FOCAD: variants seen among roughly 807,000 people sequenced by gnomAD.
FOCAD encodes KIAA1797.
Under a neutral mutation model 225.6 loss-of-function variants are expected in FOCAD, and 198 were observed. That is an observed-to-expected ratio of 0.88 (90% CI 0.78 to 0.99). The LOEUF (loss-of-function observed/expected upper bound fraction) is 0.99. FOCAD is among the 50% of genes least tolerant of loss of function. The pLI, the probability that FOCAD is intolerant of heterozygous loss-of-function variation, is 0.00. For synonymous variants in FOCAD, 897 were observed against 755.0 expected (o/e 1.19, Z -3.08); for missense variants, 2,713 against 2,123.6 (o/e 1.28, Z -5.46).
At chr9:20,681,067 C>T (rs1170891235), upstream of FOCAD, among the ~76,000 whole-genome samples, 1 of 152,162 alleles carries the variant, frequency 6.6e-6, no homozygotes, top group East Asian at 1.9e-4. Context: ...AGCAATTAGT[C>T]ATATGACATT....
intron 1 of FOCAD, among the ~76,000 whole-genome samples, chr9:20,704,228 A>C (rs181277768): frequency 1.3e-5 from 2 of 152,300 alleles, no homozygotes. Context: ...AAATACAGAG[A>C]TACTCTCCAT....
chr9:20,889,844 G>C (rs1295077913), intron 21 of FOCAD, among the ~76,000 whole-genome samples: 1 of 152,212 alleles, frequency 6.6e-6, no homozygotes, highest in East Asian at 1.9e-4. Context: ...TGACATCTTG[G>C]TAATAGAGTA....
intron 1 of FOCAD, among the ~76,000 whole-genome samples, chr9:20,698,813 C>G (rs1823597933): frequency 6.6e-6 from 1 of 151,946 alleles, no homozygotes; most frequent in Non-Finnish European, 1.5e-5. Context: ...CTGCATAGTC[C>G]TTAGTTTATC....
rs1009575386 is a variant in FOCAD at position 20,912,921 on chromosome 9, A to G, written c.2774A>G (p.Glu925Gly). 2 of 1,613,300 alleles carry G rather than the reference A, an allele frequency of 1.2e-6. No homozygotes were observed. Among genetic ancestry groups the G allele is most frequent in the Non-Finnish European group, 1.7e-6 (2 of 1,179,580 alleles). Residue 925 changes from glutamate to glycine, a missense_variant, in exon 23 of 44, where the codon GAG becomes GGG. Physicochemically the swap from Glu to Gly is moderately conservative, Grantham distance 98. Coordinates refer to ENST00000338382, the MANE Select transcript of FOCAD (RefSeq NM_001375567.1). ...QLKHGKEEPE[E>G]VQYKKSTAWL... The stretch of plus-strand genomic sequence containing the variant: ...AAACATGGAAAAGAAGAACCTGAGG[A>G]GGTGCAGTACAAAAAAAGCACAGCC...
At chr9:20,830,766 C>A (rs897091581) in intron 15 of FOCAD, among the ~76,000 whole-genome samples, 1 of 152,008 alleles carries the variant, frequency 6.6e-6, no homozygotes, top group African/African-American at 2.4e-5. Context: ...CAGCCTTTAT[C>A]TCTGGGTGCA....
chr9:20,824,864 C>T (rs1473828975), intron 15 of FOCAD, among the ~76,000 whole-genome samples: 1 of 151,994 alleles, frequency 6.6e-6, no homozygotes, highest in Non-Finnish European at 1.5e-5. Context: ...TCATTCTTGT[C>T]TAGAAAGTAA....
At chr9:20,894,833 A>T (rs1831937487) in intron 21 of FOCAD, among the ~76,000 whole-genome samples, 1 of 152,044 alleles carries the variant, frequency 6.6e-6, no homozygotes. Flanking sequence ...ATTTTAATGA[A>T]GTCCAGCATA....
intron 19 of FOCAD, among the ~76,000 whole-genome samples, chr9:20,877,303 A>C (rs1830309108): frequency 1.3e-5 from 2 of 152,210 alleles, no homozygotes; most frequent in African/African-American, 4.8e-5. Flanking sequence ...AAAATATCTA[A>C]AGTCTAAAAT....
intron 1 of FOCAD, among the ~76,000 whole-genome samples, chr9:20,688,127 A>G (rs1379510255): frequency 6.6e-6 from 1 of 152,242 alleles, no homozygotes; most frequent in Non-Finnish European, 1.5e-5. Flanking sequence ...CGTGTTAGCC[A>G]TTTTGAGCTT....
At chr9:20,881,825 C>A in intron 19 of FOCAD, 46 bp from the exon 20 acceptor site, 1 of 1,572,020 alleles carries the variant, frequency 6.4e-7, no homozygotes, top group Non-Finnish European at 8.7e-7. Context: ...TCTCTTCTAG[C>A]TTATTGTATT....
chr9:20,682,358 C>T (rs968268706), upstream of FOCAD, among the ~76,000 whole-genome samples: 1 of 152,190 alleles, frequency 6.6e-6, no homozygotes, highest in Admixed American at 6.5e-5. Context: ...AGAGGCAGTA[C>T]GTTTACTCAT....
chr9:20,750,746 T>C (rs1038739377), intron 5 of FOCAD, among the ~76,000 whole-genome samples: 4 of 152,140 alleles, frequency 2.6e-5, no homozygotes, highest in Non-Finnish European at 5.9e-5. Flanking sequence ...TAAAAAAATA[T>C]AGGGTGATTT....
intron 11 of FOCAD, among the ~76,000 whole-genome samples, chr9:20,817,155 A>G (rs192507471): frequency 6.6e-5 from 10 of 152,350 alleles, no homozygotes; most frequent in South Asian, 4.1e-4. Context: ...TGCTTTGCTT[A>G]TAGTAGATAT....
intron 5 of FOCAD, among the ~76,000 whole-genome samples, chr9:20,741,410 G>T (rs554062906): frequency 1.3e-5 from 2 of 152,012 alleles, no homozygotes; most frequent in Non-Finnish European, 2.9e-5. Context: ...ATGATCTTCC[G>T]TGTAATTTTT....
intron 11 of FOCAD, among the ~76,000 whole-genome samples, chr9:20,798,354 G>A (rs1821373210): frequency 6.6e-6 from 1 of 152,052 alleles, no homozygotes; most frequent in South Asian, 2.1e-4. Context: ...GGATGATGCT[G>A]GCCTCATAAA....
At chr9:20,789,718 G>T in intron 11 of FOCAD, 110 bp downstream of exon 11, 4 of 1,309,864 alleles carry the variant, frequency 3.1e-6, no homozygotes, top group East Asian at 4.8e-5. Context: ...ATTATGGGTT[G>T]ATGATTTTTT....
At chr9:20,971,793 C>A (rs1839791851) in intron 35 of FOCAD, among the ~76,000 whole-genome samples, 1 of 152,062 alleles carries the variant, frequency 6.6e-6, no homozygotes, top group Non-Finnish European at 1.5e-5. Flanking sequence ...AACCACCATT[C>A]CATTTTCTTT....
intron 34 of FOCAD, 60 bp from the exon 35 acceptor site, chr9:20,952,925 C>A (rs1351013556): frequency 7.5e-7 from 1 of 1,329,594 alleles, no homozygotes; most frequent in Non-Finnish European, 1.1e-6. Context: ...AGATCATTAT[C>A]TTTCCTTCAT....
intron 27 of FOCAD, among the ~76,000 whole-genome samples, chr9:20,932,526 C>G (rs1835579375): frequency 2.6e-5 from 4 of 151,748 alleles, no homozygotes. Flanking sequence ...GGATTTTCTC[C>G]CCTTAAAAAA....
Sources: allele counts gnomAD v4.1 joint callset (sites outside exome capture counted in the v4.1 genomes callset), GRCh38; gene constraint gnomAD v4.1.1; transcripts MANE v1.5; gene names NCBI Gene and HGNC (gene_info 2026-07-23, HGNC 2026-07-21).